Variants in LDLRAD1 observed in about 807,000 individuals in gnomAD.
The protein encoded by LDLRAD1 is low-density lipoprotein receptor class A domain-containing protein 1.
Under a neutral mutation model 24.8 loss-of-function variants are expected in LDLRAD1, and 17 were observed. The observed-to-expected ratio is 0.69, with a 90% confidence interval of 0.47 to 1.03. LDLRAD1 has a LOEUF of 1.03. Among genes scored for constraint, LDLRAD1 ranks in the 50% least tolerant of loss-of-function variants. LDLRAD1 has a pLI of 0.00. For missense variants in LDLRAD1, 277 were observed against 271.0 expected (o/e 1.02, Z -0.16); for synonymous variants, 103 against 108.2 (o/e 0.95, Z 0.30).
At position 54,014,332 on chromosome 1, in the gene LDLRAD1, C is replaced by T. The variant is rs201278228; in HGVS notation, c.106G>A (p.Gly36Arg). 61 of 1,548,610 alleles carry T rather than the reference C, an allele frequency of 3.9e-5. No individual in the cohort carries two copies. In the Middle Eastern group the frequency reaches 6.5e-4, roughly 17 times the overall value. The change falls in exon 3 of 6, where the codon GGG (glycine) becomes AGG (arginine). Residue 36 changes from glycine to arginine, a missense_variant. Physicochemically the swap from Gly to Arg is moderately radical, Grantham distance 125 (BLOSUM62 -2). Transcript: ENST00000371360. ...GGGHLCCSRR[G>R]ACLSASLLLL... Reference sequence around the variant, plus strand: ...AGCAGAGAGGCAGAGAGGCAGGCCCCGCGACGTGAGCAGCAGAGGTGGCCG... The same window carrying T: ...AGCAGAGAGGCAGAGAGGCAGGCCCTGCGACGTGAGCAGCAGAGGTGGCCG...
intron 5 of LDLRAD1, 107 bp downstream of exon 5, chr1:54,010,175 T>A: frequency 7.6e-7 from 1 of 1,310,762 alleles, no homozygotes; most frequent in Non-Finnish European, 1.1e-6. Context: ...CTTCCTAGGA[T>A]GCAGGGAAGC....
rs572056851 is a variant in LDLRAD1, at chr1:54,015,765, C to T, written c.74-1401G>A. On this transcript the variant is annotated intron_variant, in intron 2 of 5. Transcript: ENST00000371360. ...CTGCCTTCTGGGTTCAAGCGATTCTCCTGCCTCAGCCTCCCGAGTAGCTGG... is the reference window on the plus strand; with the variant it reads ...CTGCCTTCTGGGTTCAAGCGATTCTTCTGCCTCAGCCTCCCGAGTAGCTGG... Among the ~76,000 whole-genome samples, 4 of 151,972 alleles carry T rather than the reference C, an allele frequency of 2.6e-5. No individual in the cohort carries two copies. In the East Asian group the frequency reaches 5.8e-4, roughly 22 times the overall value.
intron 3 of LDLRAD1, 81 bp downstream of exon 3, chr1:54,014,155 A>G: frequency 6.7e-7 from 1 of 1,497,754 alleles, no homozygotes; most frequent in Admixed American, 2.1e-5. Flanking sequence ...GAAGCCAGGC[A>G]GGTCGGGGCT....
chr1:54,009,146 C>T lies in LDLRAD1; in HGVS notation c.470-16G>A, dbSNP rs1177613514. 18 of 1,612,480 alleles carry T rather than the reference C, an allele frequency of 1.1e-5. No individual in the cohort carries two copies. In the African/African-American group the frequency reaches 2.4e-4, roughly 22 times the overall value. On this transcript the variant is annotated splice_polypyrimidine_tract_variant and intron_variant, in intron 5 of 5. Coordinates refer to ENST00000371360, the MANE Select transcript of LDLRAD1 (RefSeq NM_001010978.4). ...CACACAGTTACTGCAGAGACAAGAG[C>T]CAGCAGGAGAGCAGTTGCTGTGTCC...
At position 54,008,898 on chromosome 1, in the gene LDLRAD1, C is replaced by CGT; in HGVS notation, c.*83_*84insAC. 8.9e-7 allele frequency: 1 copy of CGT among 1,119,080 alleles called. No individual in the cohort carries two copies. The highest frequency in any genetic ancestry group is 1.2e-6 in the Non-Finnish European group (1 of 846,354). The allele number at this position is 1,119,080 out of a possible 1,614,324, so 69.3% of individuals were successfully genotyped here. A position where few individuals can be genotyped will look rare whatever the true frequency, so the allele number is the denominator to read the frequency against. On this transcript the variant is annotated 3_prime_UTR_variant, in exon 6 of 6. Coordinates refer to ENST00000371360, the MANE Select transcript of LDLRAD1 (RefSeq NM_001010978.4). Reference sequence around the variant, plus strand: ...TCCCATTTCAAAGGCTGCTTCCTGCCCTTGTGCGCTAGGATTTGATTTTCA... The same window carrying CGT: ...TCCCATTTCAAAGGCTGCTTCCTGCCGTCTTGTGCGCTAGGATTTGATTTTCA...
In LDLRAD1 at chr1:54,008,990, C is replaced by T. The variant is rs769741252; in HGVS notation, c.610G>A (p.Gly204Arg). 18 of 1,612,784 alleles carry T rather than the reference C, an allele frequency of 1.1e-5. No individual in the cohort carries two copies. Among genetic ancestry groups the T allele is most frequent in the Middle Eastern group, 1.6e-4 (1 of 6,072 alleles). The change falls in exon 6 of 6, where the codon GGA becomes AGA. Residue 204 changes from glycine (G) to arginine (R), a missense_variant. Coordinates refer to ENST00000371360, the MANE Select transcript of LDLRAD1 (RefSeq NM_001010978.4). Reference protein sequence around the residue: ...SDWSDEYACPGP With the variant: ...SDWSDEYACPRP ...TGGCCTGAGTGGCCCACTCAGGGTC[C>T]GGGACAGGCATACTCATCGGACCAG...
intron 3 of LDLRAD1, among the ~76,000 whole-genome samples, chr1:54,013,879 A>G (rs1569895072): frequency 6.6e-6 from 1 of 151,948 alleles, no homozygotes; most frequent in Non-Finnish European, 1.5e-5. Flanking sequence ...GGAGATGGGC[A>G]CACAGTTGGA....
At chr1:54,009,890 C>T (rs529210651) in intron 5 of LDLRAD1, among the ~76,000 whole-genome samples, 1 of 152,308 alleles carries the variant, frequency 6.6e-6, no homozygotes, top group South Asian at 2.1e-4. Flanking sequence ...CTCTCAAAGC[C>T]TCCATTTACT....
chr1:54,012,520 C>T (rs1468613515), intron 3 of LDLRAD1, among the ~76,000 whole-genome samples: 1 of 152,176 alleles, frequency 6.6e-6, no homozygotes, highest in Non-Finnish European at 1.5e-5. Context: ...TAGCACACAC[C>T]CCGTGGGACT....
In LDLRAD1 at chr1:54,007,420, C is replaced by T. The variant is rs1165616659; in HGVS notation, c.*1562G>A. ...AGAATATGGGTGTCACACTTGCTGA[C>T]CCTCAATCTCATGTTTTATTTTATT... On this transcript the variant is annotated 3_prime_UTR_variant, in exon 6 of 6. Transcript: ENST00000371360. The T allele has an allele frequency of 6.6e-6, 1 of 152,126 alleles. No individual in the cohort carries two copies. The highest frequency in any genetic ancestry group is 1.5e-5 in the Non-Finnish European group (1 of 68,036). 9.4% of individuals were successfully genotyped at this position (152,126 alleles called of 1,614,324 possible).
chr1:54,011,435 A>T (rs1295214425), intron 4 of LDLRAD1, among the ~76,000 whole-genome samples: 1 of 151,770 alleles, frequency 6.6e-6, no homozygotes, highest in African/African-American at 2.4e-5. Context: ...TAGAGAGGGG[A>T]TTGGGGATGA....
chr1:54,010,386 T>G lies in LDLRAD1; in HGVS notation c.365A>C (p.His122Pro), dbSNP rs1557661361. Residue 122 changes from histidine (H) to proline (P), a missense_variant, in exon 5 of 6, where the codon CAC (histidine) becomes CCC (proline). Transcript: ENST00000371360. ...LCRDVPQSLP[H>P]FLVAHCGDPA... The stretch of plus-strand genomic sequence containing the variant: ...GTCTCCACAGTGGGCCACAAGGAAG[T>G]GGGGGAGGCTCTGGGGCACATCTCC... 6.2e-7 allele frequency: 1 copy of G among 1,613,750 alleles called. No homozygotes were observed. The highest frequency in any genetic ancestry group is 1.7e-5 in the Admixed American group (1 of 59,970).
In LDLRAD1 at chr1:54,011,352, C is replaced by T. The variant is rs1656041751; in HGVS notation, c.340+791G>A. Among the ~76,000 whole-genome samples the T allele has an allele frequency of 2.0e-5, 3 of 152,134 alleles. No individual in the cohort carries two copies. In the South Asian group the frequency reaches 6.2e-4, roughly 32 times the overall value. On this transcript the variant is annotated intron_variant, in intron 4 of 5. Transcript: ENST00000371360. ...TAAGCCTGGGACAAGGAAAACCTTC[C>T]CATGGAAAAACCTTCCAATCCTTGC...
At chr1:54,014,442 C>T (rs927764477) in intron 2 of LDLRAD1, 78 bp from the exon 3 acceptor site, 1 of 1,360,094 alleles carries the variant, frequency 7.4e-7, no homozygotes, top group Non-Finnish European at 1.0e-6. Context: ...CCTCTCCGCC[C>T]TGCCCGCTGC....
intron 3 of LDLRAD1, among the ~76,000 whole-genome samples, chr1:54,013,921 A>T (rs910633518): frequency 6.6e-6 from 1 of 151,768 alleles, no homozygotes; most frequent in African/African-American, 2.4e-5. Flanking sequence ...AGGCCAGGGG[A>T]AGAGGAAGTG....
Position 54,010,302 on chromosome 1 carries a change from C to T in LDLRAD1, c.449G>A (p.Cys150Tyr), listed in dbSNP as rs1655992579. 1 of 1,614,058 alleles carries T rather than the reference C, an allele frequency of 6.2e-7. No individual in the cohort carries two copies. The highest frequency in any genetic ancestry group is 1.7e-5 in the Admixed American group (1 of 59,992). Reference protein sequence around the residue: ...KCDGTNNCGDCSDELSPVTVC... With the variant: ...KCDGTNNCGDYSDELSPVTVC... ...CCTACCTGGGCTCAGTTCATCTGAA[C>T]AGTCCCCGCAGTTGTTAGTGCCATC... Residue 150 changes from cysteine to tyrosine, a missense_variant, in exon 5 of 6, where the codon TGT becomes TAT. Cys to Tyr is a radical substitution (Grantham distance 194, BLOSUM62 -2). Transcript: ENST00000371360.
intron 4 of LDLRAD1, among the ~76,000 whole-genome samples, chr1:54,011,259 T>C (rs1210150515): frequency 1.3e-5 from 2 of 151,996 alleles, no homozygotes; most frequent in African/African-American, 4.8e-5. Flanking sequence ...GTGTGGTCTA[T>C]CGGGGCAGGG....
intron 2 of LDLRAD1, among the ~76,000 whole-genome samples, chr1:54,015,159 G>T (rs1362792668): frequency 6.6e-6 from 1 of 152,060 alleles, no homozygotes; most frequent in Non-Finnish European, 1.5e-5. Flanking sequence ...AGGCTGCAGT[G>T]CAATGGTGCA....
intron 2 of LDLRAD1, 39 bp downstream of exon 2, chr1:54,017,337 C>A (rs1263343521): frequency 1.3e-6 from 2 of 1,548,612 alleles, no homozygotes; most frequent in Middle Eastern, 1.9e-4. Context: ...TTCAAGGGAG[C>A]CCCACAGGGC....
Sources: allele counts gnomAD v4.1 joint callset (sites outside exome capture counted in the v4.1 genomes callset), GRCh38; gene constraint gnomAD v4.1.1; transcripts MANE v1.5; gene names NCBI Gene and HGNC (gene_info 2026-07-23, HGNC 2026-07-21).